Variants in POLR1A observed in about 807,000 individuals in gnomAD.
POLR1A encodes the protein RNA polymerase I subunit A, also known as DNA-directed RNA polymerase I subunit RPA1.
In POLR1A, 84 loss-of-function variants were observed where a neutral mutation model predicts 205.3. The observed-to-expected ratio is 0.41, with a 90% CI of 0.34 to 0.49. The LOEUF is 0.49. Ranked by LOEUF, POLR1A falls within the 20% of genes least tolerant of loss-of-function variation. The pLI is 0.22. For synonymous variants in POLR1A, 799 were observed against 863.7 expected (o/e 0.93, Z 1.31); for missense variants, 1,645 against 2,204.5 (o/e 0.75, Z 5.08).
chr2:86,049,795 G>A (rs1010820919), intron 16 of POLR1A, among the ~76,000 whole-genome samples: 2 of 152,214 alleles, frequency 1.3e-5, no homozygotes, highest in Non-Finnish European at 2.9e-5. Flanking sequence ...ATTGCTTCAG[G>A]AGGATGACAG....
In POLR1A at chr2:86,026,782, T is replaced by A. The variant is rs1672262636; in HGVS notation, c.*641A>T. Reference sequence around the variant, plus strand: ...TCTAGAAGGACACCTCGCCACACAGTGGCAGGGCCAGGACCCTGGCCAGGC... The same window carrying A: ...TCTAGAAGGACACCTCGCCACACAGAGGCAGGGCCAGGACCCTGGCCAGGC... On this transcript the variant is annotated 3_prime_UTR_variant, in exon 34 of 34. Coordinates refer to ENST00000263857, the MANE Select transcript of POLR1A (RefSeq NM_015425.6). 6.5e-6 allele frequency: 1 copy of A among 154,028 alleles called. No homozygotes were observed. Among genetic ancestry groups the A allele is most frequent in the Non-Finnish European group, 1.4e-5 (1 of 69,278 alleles). The allele number at this position is 154,028 out of a possible 1,614,324, so 9.5% of individuals were successfully genotyped here. A position where few individuals can be genotyped will look rare whatever the true frequency, so the allele number is the denominator to read the frequency against.
Position 86,020,913 on chromosome 2 carries a change from C to T in POLR1A, c.*6510G>A, listed in dbSNP as rs1208492567. On this transcript the variant is annotated 3_prime_UTR_variant, in exon 34 of 34. Coordinates refer to ENST00000263857, the MANE Select transcript of POLR1A (RefSeq NM_015425.6). Reference sequence around the variant, plus strand: ...GTATAGTTGTGTGCAATTTAATGAACACAATTAATTTTACCACCATTTTAC... The same window carrying T: ...GTATAGTTGTGTGCAATTTAATGAATACAATTAATTTTACCACCATTTTAC... 1 of 152,020 alleles carries T rather than the reference C, an allele frequency of 6.6e-6. No individual in the cohort carries two copies. The highest frequency in any genetic ancestry group is 1.5e-5 in the Non-Finnish European group (1 of 68,048). 9.4% of individuals were successfully genotyped at this position (152,020 alleles called of 1,614,324 possible).
chr2:86,042,687 C>T (rs553413202), intron 23 of POLR1A, among the ~76,000 whole-genome samples: 2 of 152,344 alleles, frequency 1.3e-5, no homozygotes, highest in East Asian at 1.9e-4. Context: ...GGCCCTAGCA[C>T]ATAGTCGTCC....
chr2:86,073,608 C>T (rs538124270), intron 12 of POLR1A, among the ~76,000 whole-genome samples: 1 of 152,328 alleles, frequency 6.6e-6, no homozygotes, highest in Admixed American at 6.5e-5. Flanking sequence ...ACATTATGTG[C>T]TTAAAGTCAC....
intron 16 of POLR1A, among the ~76,000 whole-genome samples, chr2:86,049,706 G>C (rs1388489466): frequency 6.6e-6 from 1 of 152,162 alleles, no homozygotes; most frequent in Non-Finnish European, 1.5e-5. Flanking sequence ...ACCCTATATA[G>C]CTGAGTATAC....
At chr2:86,083,482 G>C (rs538793521) in intron 6 of POLR1A, among the ~76,000 whole-genome samples, 1 of 151,096 alleles carries the variant, frequency 6.6e-6, no homozygotes, top group African/African-American at 2.4e-5. Context: ...GTCTATACAC[G>C]TATTTTACAC....
Position 86,070,336 on chromosome 2 carries a change from A to G in POLR1A, c.1612-64T>C. On this transcript the variant is annotated intron_variant, in intron 12 of 33. Transcript: ENST00000263857. This position sits in a 1 kb window ranked among gnomAD's most constrained non-coding sequence, Gnocchi z 4.4. ...GTCAGTATCACCACGGCTCTTTCCA[A>G]GTGCTCACCTCAGCTTGACCAAGGT... is the stretch of plus-strand genomic sequence containing the variant. 1 of 1,515,490 alleles carries G rather than the reference A, an allele frequency of 6.6e-7. No individual in the cohort carries two copies. Among genetic ancestry groups the G allele is most frequent in the African/African-American group, 1.4e-5 (1 of 72,520 alleles). The allele number at this position is 1,515,490 out of a possible 1,614,324, so 93.9% of individuals were successfully genotyped here.
intron 4 of POLR1A, 68 bp from the exon 5 acceptor site, chr2:86,088,938 T>G: frequency 8.5e-7 from 1 of 1,170,408 alleles, no homozygotes; most frequent in Non-Finnish European, 1.2e-6. Context: ...ATATTTACTT[T>G]ATGGTTTTCA....
At chr2:86,040,661 T>A in intron 24 of POLR1A, 102 bp from the exon 25 acceptor site, 1 of 915,904 alleles carries the variant, frequency 1.1e-6, no homozygotes, top group Non-Finnish European at 1.6e-6. Flanking sequence ...CTGAAACCTC[T>A]ACCTCTTTCT....
intron 29 of POLR1A, 99 bp from the exon 30 acceptor site, chr2:86,031,734 T>G: frequency 6.7e-7 from 1 of 1,502,338 alleles, no homozygotes; most frequent in Non-Finnish European, 9.0e-7. Flanking sequence ...TTGGCTGGCC[T>G]GGGCTACCTA....
At chr2:86,032,222 G>C in intron 29 of POLR1A, 50 bp downstream of exon 29, 1 of 1,257,380 alleles carries the variant, frequency 8.0e-7, no homozygotes, top group Non-Finnish European at 1.2e-6. Flanking sequence ...CAGGTTAACA[G>C]GGAAGGGGGC....
intron 30 of POLR1A, among the ~76,000 whole-genome samples, chr2:86,031,038 G>GA (rs1485545882): frequency 3.3e-5 from 5 of 152,242 alleles, no homozygotes; most frequent in Admixed American, 2.6e-4. Context: ...TGTCTTGAAA[G>GA]ATCGGGGAGA....
intron 3 of POLR1A, among the ~76,000 whole-genome samples, chr2:86,097,214 CAAAAAA>C (rs757210116): frequency 1.6e-3 from 65 of 39,684 alleles, no homozygotes; most frequent in African/African-American, 4.8e-3. Context: ...CCCCAAAAGA[CAAAAAA>C]AAAAAAAAAA....
chr2:86,071,241 T>G (rs976189717), intron 12 of POLR1A, among the ~76,000 whole-genome samples: 1 of 150,572 alleles, frequency 6.6e-6, no homozygotes. Flanking sequence ...TGTGTGTGTG[T>G]GTGTGTGTGT....
Position 86,047,246 on chromosome 2 carries a change from G to A in POLR1A, c.2652C>T (p.Gly884=). The A allele has an allele frequency of 2.5e-6, 4 of 1,613,462 alleles. No individual in the cohort carries two copies. The highest frequency in any genetic ancestry group is 3.4e-6 in the Non-Finnish European group (4 of 1,179,472). The part of the protein sequence containing the change: ...NEINKACMPF[G]LHRQFPENSL... ...TGTTCTCTGGGAACTGTCTGTGTAG[G>A]CCAAAAGGCATGCATGCCTGCAGAT... The change falls in exon 19 of 34, where the codon GGC becomes GGT. Residue 884 remains glycine, a synonymous_variant. Transcript: ENST00000263857.
chr2:86,105,691 A>T lies in POLR1A; in HGVS notation c.77+9T>A. ...CCAGGCTGGGCACGCTACCCGACCA[A>T]CTCCTTACTTGAGCTCTTCAGCCGA... On this transcript the variant is annotated intron_variant, in intron 1 of 33. Coordinates refer to ENST00000263857, the MANE Select transcript of POLR1A (RefSeq NM_015425.6). 1 of 1,603,332 alleles carries T rather than the reference A, an allele frequency of 6.2e-7. No individual in the cohort carries two copies. The highest frequency in any genetic ancestry group is 8.5e-7 in the Non-Finnish European group (1 of 1,170,294).
chr2:86,041,919 C>G lies in POLR1A; in HGVS notation c.3542G>C (p.Ser1181Thr), dbSNP rs376113259. The stretch of plus-strand genomic sequence containing the variant: ...GAGAGAAAGCTCTGATTTCTCATAA[C>G]TCTTCTCTGTTTGAGCTGCCCACTC... ...SQEWAAQTEK[S>T]YEKSELSLDR... Residue 1181 changes from serine (S) to threonine (T), a missense_variant, in exon 24 of 34, where the codon AGT becomes ACT. Physicochemically the swap from Ser to Thr is moderately conservative, Grantham distance 58. Around this residue, in one of 16 missense-constraint regions of POLR1A, gnomAD observed 201 missense variants for 222.3 expected, o/e 0.90. Coordinates refer to ENST00000263857, the MANE Select transcript of POLR1A (RefSeq NM_015425.6). The G allele has an allele frequency of 9.3e-6, 15 of 1,613,984 alleles. No individual in the cohort carries two copies. The highest frequency in any genetic ancestry group is 1.3e-5 in the Non-Finnish European group (15 of 1,179,936).
chr2:86,076,841 G>C (rs554508920), intron 11 of POLR1A, among the ~76,000 whole-genome samples: 2 of 152,226 alleles, frequency 1.3e-5, no homozygotes, highest in Non-Finnish European at 2.9e-5. Flanking sequence ...GCAACCAAAA[G>C]TTGCTACATG....
intron 19 of POLR1A, 101 bp from the exon 20 acceptor site, chr2:86,045,870 G>A: frequency 9.6e-7 from 1 of 1,039,784 alleles, no homozygotes; most frequent in African/African-American, 1.7e-5. Flanking sequence ...AAGAAAAGCT[G>A]CATGGAAACC....
Sources: gnomAD v4.1 joint callset for allele counts (sites outside exome capture counted in the v4.1 genomes callset) on GRCh38, gnomAD v4.1.1 for gene constraint, gnomAD v4.1.1 regional missense constraint, Gnocchi (gnomAD v3.1) non-coding constraint, MANE v1.5 for transcripts, NCBI Gene and HGNC (gene_info 2026-07-23, HGNC 2026-07-21) for gene names.